WDR27: variants seen among roughly 807,000 people sequenced by gnomAD.
The protein encoded by WDR27 is WD repeat-containing protein 27.
In WDR27, 100 loss-of-function variants were observed where a neutral mutation model predicts 114.4. The ratio of observed to expected loss-of-function variants is 0.87; its 90% CI spans 0.74 to 1.03. The LOEUF (loss-of-function observed/expected upper bound fraction) is 1.03. WDR27 is among the 50% of genes least tolerant of loss of function. The probability of loss-of-function intolerance (pLI) is 0.00; values close to 1 mark genes in which losing one functional copy is unlikely to be tolerated. For missense variants in WDR27, 1,129 were observed against 1,092.9 expected, an observed-to-expected ratio of 1.03 and a Z score of -0.47; for synonymous variants, 449 against 423.1, an observed-to-expected ratio of 1.06 and a Z score of -0.75.
chr6:169,638,829 G>A (rs1006870939), intron 17 of WDR27, among the ~76,000 whole-genome samples, 169 bp from the exon 18 acceptor site: 50 of 152,366 alleles, frequency 3.3e-4, no homozygotes, highest in African/African-American at 1.2e-3. Flanking sequence ...AGAGCCTGAG[G>A]CAGGGTGCAC....
intron 25 of WDR27, among the ~76,000 whole-genome samples, chr6:169,494,500 G>C (rs1790159855): frequency 6.6e-6 from 1 of 152,124 alleles, no homozygotes; most frequent in Non-Finnish European, 1.5e-5. Flanking sequence ...ATTGCACTAT[G>C]ATGTTAAAAT....
chr6:169,520,101 C>T (rs1794186448), intron 25 of WDR27, among the ~76,000 whole-genome samples: 1 of 152,116 alleles, frequency 6.6e-6, no homozygotes, highest in Non-Finnish European at 1.5e-5. Context: ...ACTACCATCC[C>T]ACCCTAGAAA....
intron 17 of WDR27, among the ~76,000 whole-genome samples, chr6:169,641,689 G>A (rs980196730): frequency 6.6e-6 from 1 of 152,162 alleles, no homozygotes; most frequent in Non-Finnish European, 1.5e-5. Flanking sequence ...CCAAGAGCTC[G>A]GGACCAGGAG....
intron 21 of WDR27, among the ~76,000 whole-genome samples, chr6:169,630,913 T>TC: frequency 6.6e-6 from 1 of 151,392 alleles, no homozygotes; most frequent in African/African-American, 2.4e-5. Context: ...AATCAATCAA[T>TC]AAGGTGGGTA....
At chr6:169,479,682 T>A (rs186585793) in intron 25 of WDR27, among the ~76,000 whole-genome samples, 2 of 152,360 alleles carry the variant, frequency 1.3e-5, no homozygotes, top group East Asian at 3.9e-4. Context: ...TATAACTACT[T>A]ATCAGCATTC....
At chr6:169,556,692 TA>T (rs373536788) in intron 25 of WDR27, among the ~76,000 whole-genome samples, 27 of 152,246 alleles carry the variant, frequency 1.8e-4, no homozygotes, top group African/African-American at 6.5e-4. Context: ...ACCCATAGAT[TA>T]GGGGAAATAC....
chr6:169,585,457 G>A (rs558631946), intron 23 of WDR27, among the ~76,000 whole-genome samples: 2 of 152,222 alleles, frequency 1.3e-5, no homozygotes, highest in African/African-American at 2.4e-5. Context: ...ATATACAGTC[G>A]ACCCTTGAGC....
chr6:169,481,983 CTG>C (rs1562476191), intron 25 of WDR27, among the ~76,000 whole-genome samples: 1 of 152,144 alleles, frequency 6.6e-6, no homozygotes, highest in East Asian at 1.9e-4. Flanking sequence ...ATCCCAGTGT[CTG>C]TTGTTTCCCT....
intron 25 of WDR27, among the ~76,000 whole-genome samples, chr6:169,515,792 GTAAAA>G (rs1483950993): frequency 2.0e-5 from 3 of 149,582 alleles, no homozygotes; most frequent in Non-Finnish European, 1.5e-5. Context: ...TAAAGTAACA[GTAAAA>G]TAAAAGGGAT....
At chr6:169,451,914 C>T in the WDR27 span, among the ~76,000 whole-genome samples, 1 of 152,058 alleles carries the variant, frequency 6.6e-6, no homozygotes, top group African/African-American at 2.4e-5. Context: ...TCTTAACACA[C>T]GTCTTTTGGC....
intron 24 of WDR27, among the ~76,000 whole-genome samples, chr6:169,580,871 TAAGG>T (rs1182460625): frequency 1.3e-5 from 2 of 149,948 alleles, no homozygotes; most frequent in African/African-American, 4.9e-5. Flanking sequence ...TTTTTAAAAA[TAAGG>T]AACCAGCCAA....
intron 25 of WDR27, among the ~76,000 whole-genome samples, chr6:169,469,021 C>T (rs1438721454): frequency 6.6e-6 from 1 of 152,164 alleles, no homozygotes; most frequent in African/African-American, 2.4e-5. Context: ...CCTCATGTAA[C>T]CCTAATTTCC....
At chr6:169,605,668 A>G (rs1274956480) in intron 22 of WDR27, among the ~76,000 whole-genome samples, 1 of 151,978 alleles carries the variant, frequency 6.6e-6, no homozygotes, top group Non-Finnish European at 1.5e-5. Context: ...CCTAAATAAA[A>G]AGAACAAAGC....
chr6:169,689,764 C>A (rs1011222396), intron 1 of WDR27, among the ~76,000 whole-genome samples: 1 of 152,262 alleles, frequency 6.6e-6, no homozygotes, highest in Non-Finnish European at 1.5e-5. Context: ...AATAGATGCA[C>A]CTGAAGGCAC....
the WDR27 span, among the ~76,000 whole-genome samples, chr6:169,439,696 T>C: frequency 6.6e-6 from 1 of 152,082 alleles, no homozygotes; most frequent in South Asian, 2.1e-4. Flanking sequence ...TTTCTTGAGC[T>C]GCCTATAGCT....
intron 4 of WDR27, 93 bp from the exon 5 acceptor site, chr6:169,668,278 G>A: frequency 7.8e-7 from 1 of 1,279,024 alleles, no homozygotes. Context: ...GAGCTAAGAG[G>A]AAAGCTCAGG....
chr6:169,691,141 G>A (rs60809141), intron 1 of WDR27, among the ~76,000 whole-genome samples: 21,960 of 152,074 alleles, frequency 0.14, 2,047 homozygotes, highest in East Asian at 0.29. Context: ...CGTGAACCTG[G>A]GAGGCAGAGC....
At chr6:169,462,286 A>C (rs567181207) in intron 25 of WDR27, among the ~76,000 whole-genome samples, 2 of 152,262 alleles carry the variant, frequency 1.3e-5, no homozygotes, top group South Asian at 4.1e-4. Flanking sequence ...CTTTACTAAA[A>C]ATTAGCCAGG....
At chr6:169,643,654 C>T in intron 17 of WDR27, 43 bp downstream of exon 17, 1 of 1,541,260 alleles carries the variant, frequency 6.5e-7, no homozygotes. Flanking sequence ...TAAGTGAGAC[C>T]CATCCTTAAG....
Sources: gnomAD v4.1 joint callset for allele counts (sites outside exome capture counted in the v4.1 genomes callset) on GRCh38, gnomAD v4.1.1 for gene constraint, MANE v1.5 for transcripts, NCBI Gene and HGNC (gene_info 2026-07-23, HGNC 2026-07-21) for gene names.